DSCAM: variants seen among roughly 807,000 people sequenced by gnomAD.
DSCAM encodes the protein cell adhesion molecule DSCAM.
DSCAM carries 47 observed loss-of-function variants against 217.7 expected under a neutral mutation model. That is an observed-to-expected ratio of 0.22 (90% CI 0.17 to 0.28). The LOEUF is 0.28. DSCAM is among the 10% of genes least tolerant of loss of function. DSCAM has a pLI of 1.00. For synonymous variants in DSCAM, 1,056 were observed against 1,015.3 expected (o/e 1.04, Z -0.76); for missense variants, 2,080 against 2,618.3 (o/e 0.79, Z 4.49).
At chr21:40,542,935 A>C (rs1377239995) in intron 3 of DSCAM, among the ~76,000 whole-genome samples, 1 of 151,850 alleles carries the variant, frequency 6.6e-6, no homozygotes, top group Non-Finnish European at 1.5e-5. Context: ...TCCTCTTCTG[A>C]ATACTGGCCC....
chr21:40,305,935 T>C (rs1299249399), intron 9 of DSCAM, among the ~76,000 whole-genome samples: 1 of 152,150 alleles, frequency 6.6e-6, no homozygotes, highest in Non-Finnish European at 1.5e-5. Flanking sequence ...GCTCTTTTTT[T>C]GTGCCACATG....
Position 40,140,823 on chromosome 21 carries a change from G to A in DSCAM, c.3406+1735C>T, listed in dbSNP as rs533211407. Among the ~76,000 whole-genome samples, 12 of 152,130 alleles carry A rather than the reference G, an allele frequency of 7.9e-5. No homozygotes were observed. The South Asian group carries it at 2.3e-3, about 29-fold the overall frequency. ...TCTGTATTCATTAGCATCTCCCTCG[G>A]TCACTGGTCTGGAACCTCCACAGGG... On this transcript the variant is annotated intron_variant, in intron 18 of 32. Coordinates refer to ENST00000400454, the MANE Select transcript of DSCAM (RefSeq NM_001389.5).
intron 3 of DSCAM, among the ~76,000 whole-genome samples, chr21:40,388,413 C>T (rs1037117791): frequency 6.6e-6 from 1 of 151,990 alleles, no homozygotes; most frequent in African/African-American, 2.4e-5. Context: ...CTGTGTTTCT[C>T]GGTATGAGGT....
At chr21:40,145,177 C>T (rs544723046) in intron 16 of DSCAM, among the ~76,000 whole-genome samples, 3 of 152,200 alleles carry the variant, frequency 2.0e-5, no homozygotes, top group Non-Finnish European at 4.4e-5. Flanking sequence ...GGCCTGCACC[C>T]AGCAAGAACT....
chr21:40,342,745 C>CTTTTTTTT (rs1217476912), intron 6 of DSCAM, among the ~76,000 whole-genome samples: 48 of 67,150 alleles, frequency 7.1e-4, no homozygotes, highest in African/African-American at 1.8e-3. Context: ...CACACCACGC[C>CTTTTTTTT]TTTTTTTTTT....
intron 3 of DSCAM, among the ~76,000 whole-genome samples, chr21:40,378,636 G>A (rs1676928778): frequency 8.4e-6 from 1 of 119,466 alleles, no homozygotes; most frequent in African/African-American, 3.2e-5. Flanking sequence ...CTGTCGCCCA[G>A]GCTGGAGTGC....
intron 3 of DSCAM, among the ~76,000 whole-genome samples, chr21:40,667,519 G>A (rs1317850661): frequency 2.0e-5 from 3 of 152,150 alleles, no homozygotes; most frequent in African/African-American, 4.8e-5. Flanking sequence ...GGCTACCTTC[G>A]ATTTATGCCT....
intron 3 of DSCAM, among the ~76,000 whole-genome samples, chr21:40,544,652 C>T (rs539614203): frequency 1.3e-5 from 2 of 152,306 alleles, no homozygotes; most frequent in African/African-American, 4.8e-5. Flanking sequence ...GAGCTCGACC[C>T]TGCTGACACC....
At position 40,280,132 on chromosome 21, in the gene DSCAM, T is replaced by TA. The variant is rs540196445; in HGVS notation, c.2183-3863dup. 6.8e-3 allele frequency among the ~76,000 whole-genome samples: 970 copies of TA among 143,102 alleles called. 7 individuals are homozygous for TA. The highest frequency in any genetic ancestry group is 0.014 in the Middle Eastern group (4 of 276). The allele number at this position is 143,102 out of a possible 152,430, so 93.9% of individuals were successfully genotyped here. A position where few individuals can be genotyped will look rare whatever the true frequency, so the allele number is the denominator to read the frequency against. On this transcript the variant is annotated intron_variant, in intron 10 of 32. Coordinates refer to ENST00000400454, the MANE Select transcript of DSCAM (RefSeq NM_001389.5). ...ATCCCAGAACTTAAAGTATAATAAT[T>TA]AAAAAAAAAACCTTAATTCATATGA...
intron 11 of DSCAM, among the ~76,000 whole-genome samples, chr21:40,250,198 C>T (rs1601484370): frequency 6.6e-6 from 1 of 152,266 alleles, no homozygotes. Flanking sequence ...GCCTCTGTCG[C>T]AAGCTTAATT....
At chr21:40,418,862 C>A (rs1040666964) in intron 3 of DSCAM, among the ~76,000 whole-genome samples, 15 of 151,936 alleles carry the variant, frequency 9.9e-5, no homozygotes, top group African/African-American at 2.9e-4. Context: ...AGAAAAAAAA[C>A]CCCTGATAGA....
intron 1 of DSCAM, among the ~76,000 whole-genome samples, chr21:40,811,287 C>A (rs2091836133): frequency 6.6e-6 from 1 of 152,142 alleles, no homozygotes; most frequent in South Asian, 2.1e-4. Context: ...TAGCCAGAAC[C>A]CCCAAATTAG....
intron 3 of DSCAM, among the ~76,000 whole-genome samples, chr21:40,409,857 A>G (rs959116844): frequency 6.6e-6 from 1 of 152,264 alleles, no homozygotes; most frequent in Admixed American, 6.5e-5. Flanking sequence ...ACTCAACTGC[A>G]TCCCAGTAAA....
At chr21:40,111,679 T>G (rs2089900813) in intron 20 of DSCAM, among the ~76,000 whole-genome samples, 2 of 152,052 alleles carry the variant, frequency 1.3e-5, no homozygotes, top group African/African-American at 4.8e-5. Context: ...CCATCTCACA[T>G]GCAGAGACAC....
At chr21:40,224,521 G>A (rs1400705535) in intron 11 of DSCAM, among the ~76,000 whole-genome samples, 1 of 152,182 alleles carries the variant, frequency 6.6e-6, no homozygotes. Context: ...CTGATGGGAA[G>A]AGCTCTATGA....
At chr21:40,841,813 C>T (rs1026344613) in intron 1 of DSCAM, among the ~76,000 whole-genome samples, 2 of 152,218 alleles carry the variant, frequency 1.3e-5, no homozygotes, top group African/African-American at 4.8e-5. Context: ...TCTGCGGGCC[C>T]GCTACCCGCT....
chr21:40,502,356 C>T (rs1046508586), intron 3 of DSCAM, among the ~76,000 whole-genome samples: 2 of 152,038 alleles, frequency 1.3e-5, no homozygotes, highest in African/African-American at 4.8e-5. Context: ...AATTTGATAA[C>T]TGTATTAGTT....
intron 1 of DSCAM, among the ~76,000 whole-genome samples, chr21:40,731,498 TA>T (rs1449965119): frequency 6.6e-6 from 1 of 152,032 alleles, no homozygotes; most frequent in African/African-American, 2.4e-5. Flanking sequence ...ACAACAGAAA[TA>T]TTTTTTTTCA....
chr21:40,802,410 A>C (rs1253956039), intron 1 of DSCAM, among the ~76,000 whole-genome samples: 1 of 152,194 alleles, frequency 6.6e-6, no homozygotes, highest in Non-Finnish European at 1.5e-5. Context: ...GTGTGGGGAT[A>C]AGTTAAGACT....
Sources: gnomAD v4.1 joint callset for allele counts (sites outside exome capture counted in the v4.1 genomes callset) on GRCh38, gnomAD v4.1.1 for gene constraint, MANE v1.5 for transcripts, NCBI Gene and HGNC (gene_info 2026-07-23, HGNC 2026-07-21) for gene names.